The following DGKB variants were observed in gnomAD, a reference collection of about 807,000 sequenced individuals.
DGKB encodes the protein 90 kDa diacylglycerol kinase.
DGKB carries 67 observed loss-of-function variants against 114.3 expected under a neutral mutation model. The ratio of observed to expected loss-of-function variants is 0.59; its 90% CI spans 0.48 to 0.72. The LOEUF (loss-of-function observed/expected upper bound fraction) is 0.72, where lower values mean the gene tolerates loss of function less well. Ranked by LOEUF, DGKB falls within the 30% of genes least tolerant of loss-of-function variation. The pLI is 0.00. For missense variants in DGKB, 907 were observed against 975.2 expected (o/e 0.93, Z 0.93); for synonymous variants, 398 against 323.1 (o/e 1.23, Z -2.49).
intron 25 of DGKB, among the ~76,000 whole-genome samples, chr7:14,165,807 G>C (rs995992056): frequency 6.6e-6 from 1 of 152,126 alleles, no homozygotes; most frequent in African/African-American, 2.4e-5. Context: ...GATGCCCTAG[G>C]CTGTGTTTGC....
intron 23 of DGKB, among the ~76,000 whole-genome samples, chr7:14,250,342 G>C (rs1228522420): frequency 1.3e-5 from 2 of 151,482 alleles, no homozygotes; most frequent in Non-Finnish European, 2.9e-5. Flanking sequence ...GGTTTCAGTA[G>C]GTTTTGTTTC....
chr7:14,808,036 T>A (rs1842976366), intron 2 of DGKB, among the ~76,000 whole-genome samples: 1 of 152,032 alleles, frequency 6.6e-6, no homozygotes, highest in Non-Finnish European at 1.5e-5. Flanking sequence ...AAAATAATTG[T>A]CAACCATTTA....
chr7:14,695,909 T>G (rs999108998), intron 8 of DGKB, among the ~76,000 whole-genome samples: 6 of 152,114 alleles, frequency 3.9e-5, no homozygotes, highest in African/African-American at 1.4e-4. Context: ...GACAAGGCAG[T>G]TCCCATGACA....
chr7:14,735,739 C>T (rs1349748860), intron 5 of DGKB, among the ~76,000 whole-genome samples: 2 of 152,130 alleles, frequency 1.3e-5, no homozygotes, highest in Non-Finnish European at 2.9e-5. Flanking sequence ...ACTCAGCAAT[C>T]TATACGTATC....
At chr7:14,703,125 G>C (rs1825509527) in intron 6 of DGKB, among the ~76,000 whole-genome samples, 1 of 152,204 alleles carries the variant, frequency 6.6e-6, no homozygotes. Context: ...AGAGATTGTA[G>C]TGCAGCAGCA....
intron 2 of DGKB, among the ~76,000 whole-genome samples, chr7:14,758,553 GA>G (rs896161993): frequency 2.0e-5 from 3 of 151,996 alleles, no homozygotes; most frequent in Non-Finnish European, 2.9e-5. Context: ...GAATAATAAT[GA>G]AAAAACCTCA....
chr7:14,734,113 C>A (rs1831345784), intron 5 of DGKB, among the ~76,000 whole-genome samples: 1 of 151,954 alleles, frequency 6.6e-6, no homozygotes, highest in Non-Finnish European at 1.5e-5. Context: ...CGGCTTACTG[C>A]AACCTCTGCT....
At chr7:14,311,943 T>G (rs1805456882) in intron 23 of DGKB, among the ~76,000 whole-genome samples, 1 of 152,142 alleles carries the variant, frequency 6.6e-6, no homozygotes, top group South Asian at 2.1e-4. Context: ...GATAATGGTA[T>G]ATGACAGTGG....
intron 23 of DGKB, among the ~76,000 whole-genome samples, chr7:14,210,229 T>A (rs980315371): frequency 1.2e-4 from 18 of 152,038 alleles, no homozygotes; most frequent in Admixed American, 1.3e-4. Flanking sequence ...ATATGATACA[T>A]CTGGTGGTGC....
chr7:14,264,570 G>A (rs1797223760), intron 23 of DGKB, among the ~76,000 whole-genome samples: 1 of 152,142 alleles, frequency 6.6e-6, no homozygotes, highest in South Asian at 2.1e-4. Flanking sequence ...AGAAAGTCAA[G>A]CAACTTCTAT....
chr7:14,613,086 G>C (rs1171970389), intron 16 of DGKB, among the ~76,000 whole-genome samples: 1 of 152,062 alleles, frequency 6.6e-6, no homozygotes, highest in Non-Finnish European at 1.5e-5. Context: ...TTTGTTAGGG[G>C]ATAGGGGTGA....
At chr7:14,586,544 T>G (rs1051120529) in intron 17 of DGKB, among the ~76,000 whole-genome samples, 1 of 152,126 alleles carries the variant, frequency 6.6e-6, no homozygotes, top group South Asian at 2.1e-4. Flanking sequence ...AATTTTTCAA[T>G]GTAGACAACA....
At chr7:14,630,862 T>C (rs1335239525) in intron 13 of DGKB, among the ~76,000 whole-genome samples, 1 of 151,960 alleles carries the variant, frequency 6.6e-6, no homozygotes, top group African/African-American at 2.4e-5. Flanking sequence ...TGTTTTCCAT[T>C]ATCTACCACT....
chr7:14,163,997 A>G (rs1325542351), intron 25 of DGKB, among the ~76,000 whole-genome samples: 1 of 148,316 alleles, frequency 6.7e-6, no homozygotes, highest in African/African-American at 2.6e-5. Flanking sequence ...CTCCATCTCA[A>G]AAACAAAAAA....
chr7:14,614,119 G>A (rs1301530730), intron 15 of DGKB, among the ~76,000 whole-genome samples: 1 of 152,116 alleles, frequency 6.6e-6, no homozygotes, highest in Admixed American at 6.6e-5. Flanking sequence ...AGTTGAACAA[G>A]AAAGACAAAG....
At chr7:14,706,937 G>T (rs1360601166) in intron 6 of DGKB, among the ~76,000 whole-genome samples, 1 of 143,462 alleles carries the variant, frequency 7.0e-6, no homozygotes, top group Non-Finnish European at 1.5e-5. Flanking sequence ...ACATTCAAAA[G>T]CTAGCAGAAG....
intron 1 of DGKB, among the ~76,000 whole-genome samples, chr7:14,925,748 T>C (rs1156297164): frequency 6.6e-6 from 1 of 152,180 alleles, no homozygotes; most frequent in East Asian, 1.9e-4. Context: ...TGATCTTACA[T>C]CCTATAACCT....
chr7:14,162,449 T>A (rs546765997), intron 25 of DGKB, among the ~76,000 whole-genome samples: 84 of 152,330 alleles, frequency 5.5e-4, no homozygotes, highest in African/African-American at 2.0e-3. Context: ...CAGGCTTGGG[T>A]CACATCAATA....
intron 1 of DGKB, among the ~76,000 whole-genome samples, chr7:14,947,685 C>T (rs937669801): frequency 6.6e-6 from 1 of 151,566 alleles, no homozygotes; most frequent in Non-Finnish European, 1.5e-5. Flanking sequence ...TATGTGTTAA[C>T]ATGTATGTTC....
Sources: gnomAD v4.1 joint callset for allele counts (sites outside exome capture counted in the v4.1 genomes callset) on GRCh38, gnomAD v4.1.1 for gene constraint, MANE v1.5 for transcripts, NCBI Gene and HGNC (gene_info 2026-07-23, HGNC 2026-07-21) for gene names.